The following LARGE1 variants were observed in gnomAD, a reference collection of about 807,000 sequenced individuals.
LARGE1 encodes the protein LARGE xylosyl- and glucuronyltransferase 1, also known as xylosyl- and glucuronyltransferase LARGE1.
A neutral mutation model predicts 87.6 loss-of-function variants in LARGE1; 43 were observed. That is an observed-to-expected ratio of 0.49 (90% CI 0.38 to 0.63). LARGE1 has a LOEUF of 0.63. LARGE1 is among the 30% of genes least tolerant of loss of function. The pLI is 0.00. For synonymous variants in LARGE1, 434 were observed against 394.6 expected (o/e 1.10, Z -1.18); for missense variants, 802 against 1,000.2 (o/e 0.80, Z 2.67).
the LARGE1 span, among the ~76,000 whole-genome samples, chr22:33,085,730 T>C: frequency 6.6e-6 from 1 of 152,224 alleles, no homozygotes. Context: ...AAATTATAAT[T>C]TCAGCAAATT....
chr22:33,673,572 T>C (rs1244127738), intron 2 of LARGE1, among the ~76,000 whole-genome samples: 1 of 152,214 alleles, frequency 6.6e-6, no homozygotes, highest in Non-Finnish European at 1.5e-5. Flanking sequence ...CCATTTGAAG[T>C]GTACAGCTCA....
At position 33,363,964 on chromosome 22, in the gene LARGE1, T is replaced by G. The variant is rs114148830; in HGVS notation, c.1131+17955A>C. On this transcript the variant is annotated intron_variant, in intron 9 of 14. Transcript: ENST00000397394. ...TGGGTCCTCTTGGTGCCTGGACATT[T>G]CTGTGGAGCCCTCAGGGATGACCCA... 2.8e-3 allele frequency among the ~76,000 whole-genome samples: 426 copies of G among 149,768 alleles called. 32 individuals carry two copies. The highest frequency in any genetic ancestry group is 8.9e-3 in the African/African-American group (362 of 40,734).
chr22:33,675,960 G>A (rs888743578), intron 2 of LARGE1, among the ~76,000 whole-genome samples: 2 of 150,418 alleles, frequency 1.3e-5, no homozygotes, highest in East Asian at 1.9e-4. Flanking sequence ...CAAAATCCAC[G>A]ACATTTTCAC....
At chr22:33,691,041 C>T (rs1378421628) in intron 2 of LARGE1, among the ~76,000 whole-genome samples, 1 of 152,168 alleles carries the variant, frequency 6.6e-6, no homozygotes, top group Non-Finnish European at 1.5e-5. Flanking sequence ...GACCCCAAGT[C>T]CTCATCTCCA....
intron 5 of LARGE1, among the ~76,000 whole-genome samples, chr22:33,572,917 T>TA (rs1234812735): frequency 2.0e-5 from 3 of 152,082 alleles, no homozygotes; most frequent in Admixed American, 2.0e-4. Context: ...TAACAACACA[T>TA]AGTCTGGAGA....
At chr22:33,306,637 C>G (rs997605794) in intron 11 of LARGE1, among the ~76,000 whole-genome samples, 9 of 152,084 alleles carry the variant, frequency 5.9e-5, no homozygotes, top group African/African-American at 2.2e-4. Flanking sequence ...CTTTGGGAGG[C>G]CAAGGCGGGC....
intron 11 of LARGE1, among the ~76,000 whole-genome samples, chr22:33,196,384 A>C (rs889538024): frequency 1.3e-5 from 2 of 152,172 alleles, no homozygotes; most frequent in Non-Finnish European, 2.9e-5. Context: ...TATGGCATTC[A>C]ATTTAGTAAG....
At chr22:33,312,377 C>T (rs190648710) in intron 11 of LARGE1, among the ~76,000 whole-genome samples, 113 of 148,836 alleles carry the variant, frequency 7.6e-4, no homozygotes, top group African/African-American at 2.6e-3. Context: ...AAGGGGAAGG[C>T]TGCAGTGAGC....
chr22:33,764,243 G>C (rs892202940), intron 1 of LARGE1, among the ~76,000 whole-genome samples: 45 of 152,190 alleles, frequency 3.0e-4, no homozygotes, highest in African/African-American at 9.4e-4. Context: ...CAATATGCCA[G>C]ATAGGTGATT....
At chr22:33,120,398 CTT>C in the LARGE1 span, among the ~76,000 whole-genome samples, 1 of 94,016 alleles carries the variant, frequency 1.1e-5, no homozygotes, top group Admixed American at 9.4e-5. Flanking sequence ...TTCTTTCTTT[CTT>C]TCTTTCTTTC....
intron 3 of LARGE1, among the ~76,000 whole-genome samples, chr22:33,639,385 C>G (rs1437992668): frequency 1.3e-5 from 2 of 152,188 alleles, no homozygotes; most frequent in African/African-American, 4.8e-5. Context: ...GAAACCATGA[C>G]AGCTAATAAA....
chr22:33,888,306 G>A (rs1446114868), intron 1 of LARGE1, among the ~76,000 whole-genome samples: 1 of 151,884 alleles, frequency 6.6e-6, no homozygotes, highest in Non-Finnish European at 1.5e-5. Flanking sequence ...ACATCCATGA[G>A]CCCATGAAGG....
At chr22:33,081,362 G>C in the LARGE1 span, among the ~76,000 whole-genome samples, 2 of 152,204 alleles carry the variant, frequency 1.3e-5, no homozygotes, top group Admixed American at 6.5e-5. Flanking sequence ...GTCAGGGAAG[G>C]ACCATCTCCA....
chr22:33,738,493 G>C (rs558662509), intron 2 of LARGE1, among the ~76,000 whole-genome samples: 1 of 152,208 alleles, frequency 6.6e-6, no homozygotes, highest in South Asian at 2.1e-4. Flanking sequence ...AGGGGGAATA[G>C]TGTCCATCTG....
At chr22:33,675,283 A>G (rs1407433692) in intron 2 of LARGE1, among the ~76,000 whole-genome samples, 2 of 112,764 alleles carry the variant, frequency 1.8e-5, no homozygotes, top group Admixed American at 1.2e-4. Context: ...AACAAGAGCG[A>G]AACTCCATCA....
At chr22:33,845,041 A>C (rs1002639367) in intron 1 of LARGE1, among the ~76,000 whole-genome samples, 5 of 151,866 alleles carry the variant, frequency 3.3e-5, no homozygotes, top group African/African-American at 1.2e-4. Flanking sequence ...TCTATAAATA[A>C]CAAGCCCCCT....
intron 1 of LARGE1, among the ~76,000 whole-genome samples, chr22:33,841,103 C>T (rs1041998781): frequency 3.3e-5 from 5 of 152,174 alleles, no homozygotes; most frequent in Non-Finnish European, 5.9e-5. Flanking sequence ...GCAGGCTAAG[C>T]TAAACTATGC....
intron 1 of LARGE1, among the ~76,000 whole-genome samples, chr22:33,918,218 G>A (rs1421729667): frequency 6.6e-6 from 1 of 152,136 alleles, no homozygotes; most frequent in African/African-American, 2.4e-5. Context: ...AATCTGCATT[G>A]GCTCACATCA....
At chr22:33,525,290 G>A (rs1160986572) in intron 6 of LARGE1, among the ~76,000 whole-genome samples, 1 of 152,158 alleles carries the variant, frequency 6.6e-6, no homozygotes, top group Non-Finnish European at 1.5e-5. Flanking sequence ...TGCTTCCGCT[G>A]CAAATTCCAC....
Sources: allele counts gnomAD v4.1 joint callset (sites outside exome capture counted in the v4.1 genomes callset), GRCh38; gene constraint gnomAD v4.1.1; transcripts MANE v1.5; gene names NCBI Gene and HGNC (gene_info 2026-07-23, HGNC 2026-07-21).